EPC2: variants seen among roughly 807,000 people sequenced by gnomAD.
The protein encoded by EPC2 is enhancer of polycomb homolog 2.
In EPC2, 14 loss-of-function variants were observed where a neutral mutation model predicts 92.1. That is an observed-to-expected ratio of 0.15 (90% confidence interval 0.10 to 0.24). The LOEUF (loss-of-function observed/expected upper bound fraction) is 0.24, where lower values mean the gene tolerates loss of function less well. Among genes scored for constraint, EPC2 ranks in the 10% least tolerant of loss-of-function variants. The pLI is 1.00. For synonymous variants in EPC2, 340 were observed against 334.7 expected (o/e 1.02, Z -0.17); for missense variants, 755 against 971.5 (o/e 0.78, Z 2.96).
chr2:148,720,414 T>TG (rs1682346461), intron 2 of EPC2, among the ~76,000 whole-genome samples: 1 of 152,112 alleles, frequency 6.6e-6, no homozygotes, highest in Admixed American at 6.5e-5. Flanking sequence ...GTCATGGAAG[T>TG]GGGCCTGCAG....
intron 10 of EPC2, among the ~76,000 whole-genome samples, chr2:148,780,529 C>A (rs1683727084): frequency 6.6e-6 from 1 of 152,146 alleles, no homozygotes; most frequent in African/African-American, 2.4e-5. Context: ...TTGATTAGAT[C>A]ACTCAATTGC....
chr2:148,680,792 G>C (rs904825967), intron 1 of EPC2, among the ~76,000 whole-genome samples: 2 of 152,238 alleles, frequency 1.3e-5, no homozygotes, highest in Non-Finnish European at 2.9e-5. Context: ...GGCATAGTGA[G>C]TGAGAAGATA....
At chr2:148,738,158 CTTTTGT>C (rs1682806284) in intron 2 of EPC2, among the ~76,000 whole-genome samples, 1 of 152,176 alleles carries the variant, frequency 6.6e-6, no homozygotes, top group African/African-American at 2.4e-5. Context: ...AACTCCTTTG[CTTTTGT>C]TTTAATGGGA....
chr2:148,688,873 G>T (rs1261309420), intron 1 of EPC2, among the ~76,000 whole-genome samples: 1 of 152,164 alleles, frequency 6.6e-6, no homozygotes, highest in African/African-American at 2.4e-5. Context: ...ATGCTAGGGG[G>T]AGAGGGGCAG....
chr2:148,707,552 T>C (rs1027892828), intron 2 of EPC2, among the ~76,000 whole-genome samples: 10 of 152,216 alleles, frequency 6.6e-5, no homozygotes, highest in Non-Finnish European at 1.3e-4. Flanking sequence ...TACATTCTTC[T>C]CAGCACCACA....
intron 2 of EPC2, chr2:148,691,546 A>T (rs981837078): frequency 9.0e-6 from 14 of 1,550,380 alleles, no homozygotes; most frequent in Non-Finnish European, 2.6e-6. Flanking sequence ...TTGCAGTGAA[A>T]TTGCATCTTA....
At chr2:148,775,650 T>A (rs1482846564) in intron 10 of EPC2, among the ~76,000 whole-genome samples, 7 of 42,776 alleles carry the variant, frequency 1.6e-4, no homozygotes, top group Non-Finnish European at 3.2e-4. Context: ...AAATAAAATC[T>A]TTAAATAAAA....
At chr2:148,680,754 C>G (rs995087260) in intron 1 of EPC2, among the ~76,000 whole-genome samples, 1 of 152,088 alleles carries the variant, frequency 6.6e-6, no homozygotes, top group African/African-American at 2.4e-5. Context: ...GGTCAAGAAG[C>G]TGGAGATTTT....
At chr2:148,657,156 A>C (rs1453110059) in intron 1 of EPC2, among the ~76,000 whole-genome samples, 1 of 152,156 alleles carries the variant, frequency 6.6e-6, no homozygotes, top group Non-Finnish European at 1.5e-5. Flanking sequence ...ACGAATTTGG[A>C]AGAACAGAAA....
At chr2:148,700,310 C>T (rs1226104065) in intron 2 of EPC2, among the ~76,000 whole-genome samples, 3 of 152,012 alleles carry the variant, frequency 2.0e-5, no homozygotes, top group Non-Finnish European at 4.4e-5. Flanking sequence ...ACCCAAGGTC[C>T]CTGAGATTTT....
At chr2:148,749,958 G>C (rs184856630) in intron 3 of EPC2, among the ~76,000 whole-genome samples, 171 of 152,164 alleles carry the variant, frequency 1.1e-3, no homozygotes, top group Middle Eastern at 3.4e-3. Context: ...AGATCAGGGG[G>C]TCATTCCTAT....
intron 3 of EPC2, among the ~76,000 whole-genome samples, chr2:148,744,767 C>CTG (rs946214778): frequency 6.6e-6 from 1 of 151,724 alleles, no homozygotes; most frequent in Non-Finnish European, 1.5e-5. Flanking sequence ...TTTGGTGTAC[C>CTG]TGTGTGGTAT....
chr2:148,763,613 G>A (rs1259017839), intron 6 of EPC2, among the ~76,000 whole-genome samples: 2 of 152,062 alleles, frequency 1.3e-5, no homozygotes, highest in Non-Finnish European at 2.9e-5. Context: ...CATTCTTAAA[G>A]GTCAAGAAAG....
intron 6 of EPC2, among the ~76,000 whole-genome samples, chr2:148,763,667 A>T (rs945933517): frequency 1.3e-5 from 2 of 152,196 alleles, no homozygotes; most frequent in African/African-American, 4.8e-5. Flanking sequence ...ATGTCAATTA[A>T]AACACTAAAG....
In EPC2 at chr2:148,710,636, G is replaced by A. The variant is rs192202323; in HGVS notation, c.313+20263G>A. ...TGATAGACTGGATTAAGAAAATGTGGCACATATACACCATGGAATACTATG... is the reference window on the plus strand; with the variant it reads ...TGATAGACTGGATTAAGAAAATGTGACACATATACACCATGGAATACTATG... On this transcript the variant is annotated intron_variant, in intron 2 of 13. Coordinates refer to ENST00000258484, the MANE Select transcript of EPC2 (RefSeq NM_015630.4). Among the ~76,000 whole-genome samples the A allele has an allele frequency of 2.4e-3, 366 of 152,274 alleles. 2 individuals are homozygous for A. Among genetic ancestry groups the A allele is most frequent in the Non-Finnish European group, 7.9e-4 (54 of 68,028 alleles).
At chr2:148,647,753 C>T (rs1683834230) in intron 1 of EPC2, among the ~76,000 whole-genome samples, 1 of 151,250 alleles carries the variant, frequency 6.6e-6, no homozygotes, top group Non-Finnish European at 1.5e-5. Context: ...CTGCCTCAGC[C>T]TCTCAAGTAG....
chr2:148,783,811 TG>T lies in EPC2; in HGVS notation c.2017+58del, dbSNP rs1162939011. 11 of 1,515,408 alleles carry T rather than the reference TG, an allele frequency of 7.3e-6. No individual in the cohort carries two copies. The African/African-American group carries it at 8.3e-5, about 11-fold the overall frequency. The allele number at this position is 1,515,408 out of a possible 1,614,324, so 93.9% of individuals were successfully genotyped here. A position where few individuals can be genotyped will look rare whatever the true frequency, so the allele number is the denominator to read the frequency against. ...TTTCTTGAAGTTGTAACTCAGTGAT[TG>T]GGAGTTTGTTTTTTGTTTTTTTATC... On this transcript the variant is annotated intron_variant, in intron 12 of 13. Transcript: ENST00000258484.
chr2:148,771,588 C>T (rs1398380926), intron 10 of EPC2, among the ~76,000 whole-genome samples: 1 of 151,998 alleles, frequency 6.6e-6, no homozygotes, highest in South Asian at 2.1e-4. Flanking sequence ...GTGCCTGGTA[C>T]GGTAAATGTA....
chr2:148,717,396 C>T (rs1037972812), intron 2 of EPC2, among the ~76,000 whole-genome samples: 5 of 152,108 alleles, frequency 3.3e-5, no homozygotes, highest in Non-Finnish European at 7.4e-5. Context: ...AAATTTCCCG[C>T]TTAACACTGC....
Sources: gnomAD v4.1 joint callset for allele counts (sites outside exome capture counted in the v4.1 genomes callset) on GRCh38, gnomAD v4.1.1 for gene constraint, MANE v1.5 for transcripts, NCBI Gene and HGNC (gene_info 2026-07-23, HGNC 2026-07-21) for gene names.